PKD1L1: variants seen among roughly 807,000 people sequenced by gnomAD.
PKD1L1 encodes polycystin 1 like 1, transient receptor potential channel interacting, also known as polycystin-1-like protein 1.
In PKD1L1, 236 loss-of-function variants were observed where a neutral mutation model predicts 323.4. That is an observed-to-expected ratio of 0.73 (90% CI 0.66 to 0.81). The LOEUF is 0.81. Among genes scored for constraint, PKD1L1 ranks in the 40% least tolerant of loss-of-function variants. The probability of loss-of-function intolerance (pLI) is 0.00; values close to 1 mark genes in which losing one functional copy is unlikely to be tolerated. For synonymous variants in PKD1L1, 1,344 were observed against 1,335.0 expected, an observed-to-expected ratio of 1.01 and a Z score of -0.15; for missense variants, 3,320 against 3,508.0, an observed-to-expected ratio of 0.95 and a Z score of 1.35.
intron 54 of PKD1L1, among the ~76,000 whole-genome samples, chr7:47,799,253 C>G (rs1235097117): frequency 6.6e-6 from 1 of 151,896 alleles, no homozygotes; most frequent in South Asian, 2.1e-4. Context: ...GATGGGTGAT[C>G]GATGGATTTA....
At position 47,857,626 on chromosome 7, in the gene PKD1L1, T is replaced by C; in HGVS notation, c.4569A>G (p.Pro1523=). The change falls in exon 28 of 57, where the codon CCA becomes CCG. Residue 1523 remains proline, a synonymous_variant. Transcript: ENST00000289672. ...GTACCTGCCCAGGAGCTTGGCTCCC[T>C]GGATATGGGTTCTTCTTGAAGAGTA... ...QLILFKKNPY[P]GSQAPGQIGG... 6.2e-7 allele frequency: 1 copy of C among 1,614,194 alleles called. No homozygotes were observed. The highest frequency in any genetic ancestry group is 8.5e-7 in the Non-Finnish European group (1 of 1,180,024).
chr7:47,854,988 G>C lies in PKD1L1; in HGVS notation c.4753C>G (p.Leu1585Val). 2 of 1,613,960 alleles carry C rather than the reference G, an allele frequency of 1.2e-6. No individual in the cohort carries two copies. The highest frequency in any genetic ancestry group is 1.7e-6 in the Non-Finnish European group (2 of 1,179,926). Residue 1585 changes from leucine (L) to valine (V), a missense_variant, in exon 30 of 57, where the codon CTC becomes GTC. Coordinates refer to ENST00000289672, the MANE Select transcript of PKD1L1 (RefSeq NM_138295.5). The stretch of plus-strand genomic sequence containing the variant: ...TCGGAAAGCTCAGTGAACTGATGGA[G>C]ATTCACTTTATCCCGAAGTAATACA... ...TFVLLRDKVN[L>V]HQFTELSENP...
chr7:47,877,751 A>C, intron 21 of PKD1L1, 120 bp from the exon 22 acceptor site: 1 of 1,162,010 alleles, frequency 8.6e-7, no homozygotes, highest in Non-Finnish European at 1.2e-6. Context: ...CCAGACCAGC[A>C]GCATCGGACT....
chr7:47,881,552 C>T (rs1420114607), intron 20 of PKD1L1, among the ~76,000 whole-genome samples: 3 of 152,166 alleles, frequency 2.0e-5, no homozygotes, highest in Non-Finnish European at 4.4e-5. Context: ...TTCAATCGCT[C>T]TTCAGGAGCA....
chr7:47,792,313 G>GCT (rs151120143), intron 56 of PKD1L1, among the ~76,000 whole-genome samples: 1 of 149,160 alleles, frequency 6.7e-6, no homozygotes. Context: ...TAGATTTCTG[G>GCT]GTTTTTTTTT....
chr7:47,902,896 A>T (rs1051262003), intron 12 of PKD1L1, among the ~76,000 whole-genome samples: 59 of 152,206 alleles, frequency 3.9e-4, no homozygotes, highest in African/African-American at 1.2e-3. Flanking sequence ...TGGGTACCCC[A>T]ACCCATAACT....
chr7:47,896,534 TA>T (rs1244744208), intron 14 of PKD1L1, among the ~76,000 whole-genome samples: 1 of 151,390 alleles, frequency 6.6e-6, no homozygotes, highest in African/African-American at 2.5e-5. Flanking sequence ...GGGATTTGTT[TA>T]GTTGTTTGGG....
Position 47,885,862 on chromosome 7 carries a change from G to C in PKD1L1, c.3029C>G (p.Thr1010Arg). 1 of 1,614,228 alleles carries C rather than the reference G, an allele frequency of 6.2e-7. No homozygotes were observed. Among genetic ancestry groups the C allele is most frequent in the Non-Finnish European group, 8.5e-7 (1 of 1,180,040 alleles). ...CCAGTAGACTCCAGTCATGGGCTCT[G>C]TGGGGGTTCCCCTTGGAGCTGAAGT... ...PATSAPRGTP[T>R]EPMTGVYWIP... The change falls in exon 18 of 57, where the codon ACA becomes AGA. Residue 1010 changes from threonine (T) to arginine (R), a missense_variant. Thr to Arg is a moderately conservative substitution (Grantham distance 71). Transcript: ENST00000289672.
intron 24 of PKD1L1, among the ~76,000 whole-genome samples, chr7:47,871,827 T>C (rs1562966746): frequency 6.6e-6 from 1 of 152,148 alleles, no homozygotes; most frequent in Non-Finnish European, 1.5e-5. Flanking sequence ...TAATATGAAG[T>C]GGTGAAAGAC....
chr7:47,819,486 A>G, intron 46 of PKD1L1: 1 of 1,268,088 alleles, frequency 7.9e-7, no homozygotes, highest in South Asian at 1.4e-5. Context: ...GACCCAAATT[A>G]TCACTTTGTT....
At chr7:47,820,202 G>A (rs1445323679) in intron 46 of PKD1L1, among the ~76,000 whole-genome samples, 4 of 152,198 alleles carry the variant, frequency 2.6e-5, no homozygotes, top group Non-Finnish European at 5.9e-5. Flanking sequence ...AAATGCACCT[G>A]TTGATGACAA....
In PKD1L1 at chr7:47,831,275, C is replaced by T; in HGVS notation, c.6415G>A (p.Ala2139Thr). The T allele has an allele frequency of 1.2e-6, 2 of 1,614,120 alleles. No homozygotes were observed. The highest frequency in any genetic ancestry group is 1.7e-6 in the Non-Finnish European group (2 of 1,180,010). The change falls in exon 42 of 57, where the codon GCC becomes ACC. Residue 2139 changes from alanine to threonine, a missense_variant. Transcript: ENST00000289672. Reference protein sequence around the residue: ...LQPWWSSAVWAICGTASLACS... With the variant: ...LQPWWSSAVWTICGTASLACS... The stretch of plus-strand genomic sequence containing the variant: ...GCCAAAGAAGCGGTCCCACAAATGG[C>T]CCACACTGCAGAGCTCCACCAAGGC...
intron 1 of PKD1L1, among the ~76,000 whole-genome samples, chr7:47,948,043 C>T (rs1291209878): frequency 6.6e-6 from 1 of 152,200 alleles, no homozygotes; most frequent in Admixed American, 6.5e-5. Flanking sequence ...GGTCTCCATG[C>T]AAGGGACCTA....
Position 47,882,028 on chromosome 7 carries a change from C to T in PKD1L1, c.3323G>A (p.Gly1108Glu), listed in dbSNP as rs1245252649. 5 of 1,614,042 alleles carry T rather than the reference C, an allele frequency of 3.1e-6. No individual in the cohort carries two copies. Among genetic ancestry groups the T allele is most frequent in the Middle Eastern group, 1.7e-4 (1 of 6,054 alleles). ...GPSLSAEESP[G>E]DGDNLVDPSL... ...GGGGTCCACCAGGTTATCCCCATCT[C>T]CAGGGCTCTCCTCGGCACTCAAGCT... Residue 1108 changes from glycine to glutamate, a missense_variant, in exon 20 of 57, where the codon GGA becomes GAA. Gly to Glu is a moderately conservative substitution (Grantham distance 98). Coordinates refer to ENST00000289672, the MANE Select transcript of PKD1L1 (RefSeq NM_138295.5).
chr7:47,960,316 C>T, the PKD1L1 span, among the ~76,000 whole-genome samples: 1 of 140,900 alleles, frequency 7.1e-6, no homozygotes, highest in Non-Finnish European at 1.5e-5. Context: ...CACTATTGTC[C>T]TATGACCCTG....
At chr7:47,903,399 G>A (rs1356496097) in intron 12 of PKD1L1, among the ~76,000 whole-genome samples, 3 of 152,118 alleles carry the variant, frequency 2.0e-5, no homozygotes, top group African/African-American at 7.2e-5. Flanking sequence ...GGCACAAAAG[G>A]GCTTCTGGAG....
At chr7:47,880,443 G>C (rs970144308) in intron 21 of PKD1L1, among the ~76,000 whole-genome samples, 1 of 150,352 alleles carries the variant, frequency 6.7e-6, no homozygotes, top group East Asian at 2.0e-4. Flanking sequence ...CACCATGCCC[G>C]GCAAATTTTT....
At chr7:47,942,028 T>C (rs1032040466) in intron 2 of PKD1L1, among the ~76,000 whole-genome samples, 1 of 152,100 alleles carries the variant, frequency 6.6e-6, no homozygotes, top group African/African-American at 2.4e-5. Context: ...AAACTTAACA[T>C]CCATCTCATC....
At chr7:47,960,131 T>C in the PKD1L1 span, among the ~76,000 whole-genome samples, 5 of 150,788 alleles carry the variant, frequency 3.3e-5, no homozygotes, top group Non-Finnish European at 5.9e-5. Flanking sequence ...GGATTAAGGG[T>C]GGTGCAAGAT....
Sources: allele counts gnomAD v4.1 joint callset (sites outside exome capture counted in the v4.1 genomes callset), GRCh38; gene constraint gnomAD v4.1.1; transcripts MANE v1.5; gene names NCBI Gene and HGNC (gene_info 2026-07-23, HGNC 2026-07-21).